Variants in POLE observed in about 807,000 individuals in gnomAD.
The protein encoded by POLE is DNA polymerase epsilon catalytic subunit A.
A neutral mutation model predicts 279.2 loss-of-function variants in POLE; 188 were observed. That is an observed-to-expected ratio of 0.67 (90% CI 0.60 to 0.76). The LOEUF (loss-of-function observed/expected upper bound fraction) is 0.76. Among genes scored for constraint, POLE ranks in the 30% least tolerant of loss-of-function variants. POLE has a pLI of 0.00. For synonymous variants in POLE, 1,214 were observed against 1,172.5 expected (o/e 1.04, Z -0.72); for missense variants, 2,703 against 3,016.7 (o/e 0.90, Z 2.44).
chr12:132,654,750 C>T (rs2042497529), intron 29 of POLE, among the ~76,000 whole-genome samples: 1 of 152,062 alleles, frequency 6.6e-6, no homozygotes, highest in African/African-American at 2.4e-5. Flanking sequence ...CATGACTGCG[C>T]CACTGTACTC....
At chr12:132,631,579 G>A (rs1340864076) in intron 45 of POLE, among the ~76,000 whole-genome samples, 1 of 152,188 alleles carries the variant, frequency 6.6e-6, no homozygotes, top group African/African-American at 2.4e-5. Flanking sequence ...TGGGAAGGCT[G>A]AGTGAGGAAA....
chr12:132,668,821 T>C lies in POLE; in HGVS notation c.1913A>G (p.Asn638Ser), dbSNP rs753087966. The C allele has an allele frequency of 3.1e-6, 5 of 1,613,940 alleles. No individual in the cohort carries two copies. The highest frequency in any genetic ancestry group is 2.2e-5 in the South Asian group (2 of 91,060). Residue 638 changes from asparagine (N) to serine (S), a missense_variant, in exon 17 of 49, where the codon AAC becomes AGC. By Grantham distance (46) the Asn-to-Ser change is conservative (BLOSUM62 1). Around this residue, in one of 5 missense-constraint regions of POLE, gnomAD observed 1,011 missense variants for 1,111.7 expected, o/e 0.91. Transcript: ENST00000320574. The surrounding 1 kb of genome is among the most constrained non-coding windows in gnomAD (Gnocchi z 4.0). ...GAAGTAAAGTCTCACCTGCAGGCGGTTGGTCAGGATGATGTTGGGGTACAT... is the reference window on the plus strand; with the variant it reads ...GAAGTAAAGTCTCACCTGCAGGCGGCTGGTCAGGATGATGTTGGGGTACAT... ...GAMYPNIILT[N>S]RLQPSAMVDE...
In POLE at chr12:132,626,155, G is replaced by A. The variant is rs369549727; in HGVS notation, c.6493C>T (p.Arg2165Cys). 13 of 1,610,030 alleles carry A rather than the reference G, an allele frequency of 8.1e-6. No homozygotes were observed. Among genetic ancestry groups the A allele is most frequent in the African/African-American group, 2.7e-5 (2 of 74,818 alleles). ...EVICRSCNFC[R>C]DLDLCKDSSF... ...GAGTCTTTACACAGGTCCAGGTCGC[G>A]GCAGAAGTTACAGCTGCGGCAGATG... Residue 2165 changes from arginine to cysteine, a missense_variant, in exon 46 of 49, where the codon CGC becomes TGC. Physicochemically the swap from Arg to Cys is radical, Grantham distance 180 (BLOSUM62 -3). Coordinates refer to ENST00000320574, the MANE Select transcript of POLE (RefSeq NM_006231.4).
At position 132,679,519 on chromosome 12, in the gene POLE, C is replaced by T. The variant is rs375213599; in HGVS notation, c.556G>A (p.Ala186Thr). 2.0e-5 allele frequency: 32 copies of T among 1,613,388 alleles called. No individual in the cohort carries two copies. Among genetic ancestry groups the T allele is most frequent in the African/African-American group, 1.9e-4 (14 of 74,906 alleles). Reference sequence around the variant, plus strand: ...TACCTGGAAAGCAGAGCTGTGTACGCGTCGCTGGCGTGATCCTGCTCCCTG... The same window carrying T: ...TACCTGGAAAGCAGAGCTGTGTACGTGTCGCTGGCGTGATCCTGCTCCCTG... Reference protein sequence around the residue: ...KNREQDHASDAYTALLSSVLQ... With the variant: ...KNREQDHASDTYTALLSSVLQ... Residue 186 changes from alanine (A) to threonine (T), a missense_variant, in exon 6 of 49, where the codon GCG becomes ACG. Ala to Thr is a moderately conservative substitution (Grantham distance 58). This residue lies in a region of POLE where 1,011 missense variants were observed against 1,111.7 expected (regional missense o/e 0.91). Coordinates refer to ENST00000320574, the MANE Select transcript of POLE (RefSeq NM_006231.4).
chr12:132,673,053 C>A, intron 14 of POLE, 111 bp downstream of exon 14: 1 of 817,050 alleles, frequency 1.2e-6, no homozygotes, highest in Admixed American at 2.0e-5. Flanking sequence ...ATTCTACTGC[C>A]GCCTCTGGTG....
intron 32 of POLE, 130 bp from the exon 33 acceptor site, chr12:132,644,107 C>T (rs1292796193): frequency 5.3e-6 from 4 of 755,974 alleles, no homozygotes; most frequent in Non-Finnish European, 8.7e-6. Flanking sequence ...CCCACCACGC[C>T]ACAGTCCACC....
In POLE at chr12:132,667,523, CG is replaced by C. The variant is rs763197995; in HGVS notation, c.2298del (p.Tyr766Ter). 2 of 1,614,198 alleles carry C rather than the reference CG, an allele frequency of 1.2e-6. No individual in the cohort carries two copies. ...DTVRAFRDRR[Y>X]EFKGLHKVWK... ...CTCACCTTGTGGAGCCCTTTGAACT[CG>C]TAACGCCTGTCCCGGAAGGCACGCA... On this transcript the variant is annotated frameshift_variant, in exon 20 of 49. Coordinates refer to ENST00000320574, the MANE Select transcript of POLE (RefSeq NM_006231.4). LOFTEE classifies it high-confidence loss of function.
chr12:132,661,765 G>T lies in POLE; in HGVS notation c.2707-81C>A. Reference sequence around the variant, plus strand: ...AACCACCTGGTGTCCCTCCAGGAGTGGATGGATTGACAAACCGAGGCTTTT... The same window carrying T: ...AACCACCTGGTGTCCCTCCAGGAGTTGATGGATTGACAAACCGAGGCTTTT... On this transcript the variant is annotated intron_variant, in intron 23 of 48. Coordinates refer to ENST00000320574, the MANE Select transcript of POLE (RefSeq NM_006231.4). The surrounding 1 kb of genome is among the most constrained non-coding windows in gnomAD (Gnocchi z 4.1). 1 of 1,411,216 alleles carries T rather than the reference G, an allele frequency of 7.1e-7. No homozygotes were observed. The highest frequency in any genetic ancestry group is 9.7e-7 in the Non-Finnish European group (1 of 1,031,188). 87.4% of individuals were successfully genotyped at this position (1,411,216 alleles called of 1,614,324 possible).
Position 132,661,226 on chromosome 12 carries a change from T to C in POLE, c.2865-62A>G, listed in dbSNP as rs555158125. On this transcript the variant is annotated intron_variant, in intron 24 of 48. Coordinates refer to ENST00000320574, the MANE Select transcript of POLE (RefSeq NM_006231.4). This position sits in a 1 kb window ranked among gnomAD's most constrained non-coding sequence, Gnocchi z 4.1. ...AGGAGCGCTGGGGAGCCACCAGCTG[T>C]GCCTCATCCTCTCTGCCCGCCTCTT... 1 of 1,431,188 alleles carries C rather than the reference T, an allele frequency of 7.0e-7. No individual in the cohort carries two copies. The highest frequency in any genetic ancestry group is 9.5e-7 in the Non-Finnish European group (1 of 1,057,650). 88.7% of individuals were successfully genotyped at this position (1,431,188 alleles called of 1,614,324 possible).
At chr12:132,652,427 T>C (rs183337595) in intron 29 of POLE, among the ~76,000 whole-genome samples, 1 of 149,252 alleles carries the variant, frequency 6.7e-6, no homozygotes, top group Non-Finnish European at 1.5e-5. Flanking sequence ...GCTCAAGTGA[T>C]CCTCCCACCT....
intron 29 of POLE, chr12:132,650,679 C>A (rs530959499): frequency 1.3e-5 from 2 of 152,232 alleles, no homozygotes; most frequent in African/African-American, 4.8e-5. Flanking sequence ...ATAAGTAAAT[C>A]TTTGCATTTT....
chr12:132,681,086 A>G (rs2136032958), intron 2 of POLE, 52 bp downstream of exon 2: 1 of 1,605,858 alleles, frequency 6.2e-7, no homozygotes, highest in Non-Finnish European at 8.5e-7. Flanking sequence ...CCACGCTATG[A>G]CCAGAAGGGT....
intron 6 of POLE, among the ~76,000 whole-genome samples, 175 bp downstream of exon 6, chr12:132,679,322 T>C (rs1249502310): frequency 1.3e-5 from 2 of 152,070 alleles, no homozygotes; most frequent in Non-Finnish European, 2.9e-5. Context: ...AAATATAACC[T>C]GGGAAGCCAC....
intron 32 of POLE, among the ~76,000 whole-genome samples, chr12:132,646,555 G>A (rs189796651): frequency 9.2e-5 from 14 of 151,668 alleles, no homozygotes; most frequent in Non-Finnish European, 1.5e-4. Context: ...TTCTGGGGCC[G>A]GGCGCCATGG....
chr12:132,660,542 T>A (rs901596521), intron 25 of POLE: 1 of 153,770 alleles, frequency 6.5e-6, no homozygotes, highest in Non-Finnish European at 1.4e-5. Flanking sequence ...GTGGGCTAGT[T>A]ACGTAAATTA....
rs750180239 is a variant in POLE at position 132,642,569 on chromosome 12, C to T, written c.4889G>A (p.Arg1630Gln). 2.7e-5 allele frequency: 44 copies of T among 1,613,436 alleles called. No individual in the cohort carries two copies. Among genetic ancestry groups the T allele is most frequent in the African/African-American group, 2.7e-4 (20 of 74,920 alleles). Residue 1630 changes from arginine to glutamine, a missense_variant, in exon 37 of 49, where the codon CGG becomes CAG. Arg to Gln is a conservative substitution (Grantham distance 43). This residue lies in a region of POLE where 1,551 missense variants were observed against 1,686.1 expected (regional missense o/e 0.92). Coordinates refer to ENST00000320574, the MANE Select transcript of POLE (RefSeq NM_006231.4). Reference sequence around the variant, plus strand: ...GTTGAGGTAGTGACGGATCATGCGCCGGGCTCCATGGCGCTGCCAGTCCAG... The same window carrying T: ...GTTGAGGTAGTGACGGATCATGCGCTGGGCTCCATGGCGCTGCCAGTCCAG... The part of the protein sequence containing the change: ...GVLDWQRHGA[R>Q]RMIRHYLNLD...
chr12:132,658,233 C>T (rs1446586771), intron 26 of POLE: 4 of 412,786 alleles, frequency 9.7e-6, no homozygotes, highest in Admixed American at 4.1e-5. Context: ...CATGCATATA[C>T]ATAAACACAT....
Position 132,675,953 on chromosome 12 carries a change from G to C in POLE, c.1021-133C>G, listed in dbSNP as rs2043041002. On this transcript the variant is annotated intron_variant, in intron 10 of 48. Coordinates refer to ENST00000320574, the MANE Select transcript of POLE (RefSeq NM_006231.4). This position sits in a 1 kb window ranked among gnomAD's most constrained non-coding sequence, Gnocchi z 4.3. ...CTGCCCCGCCCCTCCGCCCGTCTCT[G>C]GCAGAAAAGACGGTCATACCCTGAG... is the stretch of plus-strand genomic sequence containing the variant. 1.1e-6 allele frequency: 1 copy of C among 941,128 alleles called. No homozygotes were observed. The allele number at this position is 941,128 out of a possible 1,614,324, so 58.3% of individuals were successfully genotyped here.
In POLE at chr12:132,661,664, C is replaced by G. The variant is rs1555226055; in HGVS notation, c.2727G>C (p.Gln909His). ...IMVKEGFTND[Q>H]YQELAEPSSL... ...AGGACGGCTCAGCCAGCTCCTGGTA[C>G]TGGTCATTGGTGAAGCCTTCCTGAG... Residue 909 changes from glutamine (Q) to histidine (H), a missense_variant, in exon 24 of 49, where the codon CAG becomes CAC. Gln to His is a conservative substitution (Grantham distance 24, BLOSUM62 0). Coordinates refer to ENST00000320574, the MANE Select transcript of POLE (RefSeq NM_006231.4). The surrounding 1 kb of genome is among the most constrained non-coding windows in gnomAD (Gnocchi z 4.1). The G allele has an allele frequency of 1.2e-6, 2 of 1,614,134 alleles. No homozygotes were observed. The highest frequency in any genetic ancestry group is 1.1e-5 in the South Asian group (1 of 91,078).
Sources: gnomAD v4.1 joint callset for allele counts (sites outside exome capture counted in the v4.1 genomes callset) on GRCh38, gnomAD v4.1.1 for gene constraint, gnomAD v4.1.1 regional missense constraint, Gnocchi (gnomAD v3.1) non-coding constraint, MANE v1.5 for transcripts, NCBI Gene and HGNC (gene_info 2026-07-23, HGNC 2026-07-21) for gene names.